The following GALNT13 variants were observed in gnomAD, a reference collection of about 807,000 sequenced individuals.
GALNT13 encodes the protein UDP-GalNAc:polypeptide N-acetylgalactosaminyltransferase 13.
Under a neutral mutation model 64.2 loss-of-function variants are expected in GALNT13, and 28 were observed. The ratio of observed to expected loss-of-function variants is 0.44; its 90% CI spans 0.32 to 0.60. GALNT13 has a LOEUF of 0.60. Among genes scored for constraint, GALNT13 ranks in the 20% least tolerant of loss-of-function variants. GALNT13 has a pLI of 0.05. For missense variants in GALNT13, 577 were observed against 669.8 expected (o/e 0.86, Z 1.53); for synonymous variants, 214 against 224.6 (o/e 0.95, Z 0.42).
chr2:153,546,746 T>C, the GALNT13 span, among the ~76,000 whole-genome samples: 1 of 152,240 alleles, frequency 6.6e-6, no homozygotes, highest in African/African-American at 2.4e-5. Context: ...AACCACAATG[T>C]AATTTTCAGC....
the GALNT13 span, among the ~76,000 whole-genome samples, chr2:153,827,196 A>G: frequency 1.3e-5 from 2 of 152,100 alleles, no homozygotes; most frequent in Non-Finnish European, 2.9e-5. Flanking sequence ...CCGCTTTTAA[A>G]ACCATTAGAT....
intron 4 of GALNT13, among the ~76,000 whole-genome samples, chr2:154,228,350 T>C (rs902638193): frequency 6.6e-6 from 1 of 152,162 alleles, no homozygotes; most frequent in African/African-American, 2.4e-5. Context: ...GGTCCTGAGC[T>C]CTAGTTCCCA....
intron 3 of GALNT13, among the ~76,000 whole-genome samples, chr2:154,134,536 T>G (rs1682837990): frequency 6.6e-6 from 1 of 152,194 alleles, no homozygotes; most frequent in African/African-American, 2.4e-5. Context: ...CTGTTTATAA[T>G]AGATGTGATT....
intron 11 of GALNT13, among the ~76,000 whole-genome samples, chr2:154,431,688 G>A (rs531498976): frequency 1.3e-5 from 2 of 152,312 alleles, no homozygotes; most frequent in South Asian, 4.1e-4. Flanking sequence ...ATCTTGAATT[G>A]TAGCTCCCAT....
the GALNT13 span, among the ~76,000 whole-genome samples, chr2:153,273,213 CATGTGTATACCT>C: frequency 6.6e-6 from 1 of 152,102 alleles, no homozygotes; most frequent in African/African-American, 2.4e-5. Context: ...ACCACCATGT[CATGTGTATACCT>C]ATGTAACAAA....
intron 9 of GALNT13, among the ~76,000 whole-genome samples, chr2:154,356,062 TA>T (rs1696730528): frequency 6.6e-6 from 1 of 152,042 alleles, no homozygotes. Flanking sequence ...AAGCCTCTAC[TA>T]AACACAATTT....
chr2:153,837,697 C>T, the GALNT13 span, among the ~76,000 whole-genome samples: 1 of 152,016 alleles, frequency 6.6e-6, no homozygotes, highest in Non-Finnish European at 1.5e-5. Context: ...GATTCTACAT[C>T]TTGGCTATTG....
the GALNT13 span, among the ~76,000 whole-genome samples, chr2:153,390,316 T>TG: frequency 6.6e-6 from 1 of 151,106 alleles, no homozygotes; most frequent in African/African-American, 2.4e-5. Flanking sequence ...TGTCGGGAGG[T>TG]GGGGGGCTAG....
chr2:153,942,170 GC>G (rs1355044653), intron 2 of GALNT13, among the ~76,000 whole-genome samples: 9 of 151,842 alleles, frequency 5.9e-5, no homozygotes, highest in African/African-American at 1.5e-4. Flanking sequence ...TCTTGATTAA[GC>G]CTCACAATAT....
At chr2:153,314,853 T>G in the GALNT13 span, among the ~76,000 whole-genome samples, 1 of 151,796 alleles carries the variant, frequency 6.6e-6, no homozygotes, top group Admixed American at 6.6e-5. Context: ...AACTTCCACC[T>G]TAAGAAACCT....
At chr2:153,889,218 A>G (rs1687383354) in intron 1 of GALNT13, among the ~76,000 whole-genome samples, 1 of 152,006 alleles carries the variant, frequency 6.6e-6, no homozygotes, top group Admixed American at 6.6e-5. Context: ...TTCATAATTC[A>G]GATTCATTCT....
intron 4 of GALNT13, among the ~76,000 whole-genome samples, chr2:154,190,680 T>C (rs1686526234): frequency 6.6e-6 from 1 of 152,186 alleles, no homozygotes. Context: ...TGCAGTTGTT[T>C]AGCATTGCAA....
chr2:153,467,875 G>T, the GALNT13 span, among the ~76,000 whole-genome samples: 1 of 152,016 alleles, frequency 6.6e-6, no homozygotes, highest in African/African-American at 2.4e-5. Context: ...ATATCATATG[G>T]TGATTTCATG....
the GALNT13 span, among the ~76,000 whole-genome samples, chr2:153,818,828 A>T: frequency 6.6e-6 from 1 of 152,088 alleles, no homozygotes; most frequent in Non-Finnish European, 1.5e-5. Context: ...AGCCCTTCTG[A>T]AAACTCAAGC....
chr2:153,464,442 A>G, the GALNT13 span, among the ~76,000 whole-genome samples: 7 of 151,166 alleles, frequency 4.6e-5, no homozygotes, highest in African/African-American at 1.5e-4. Flanking sequence ...ATTGCAAAGC[A>G]TATGCTACTT....
chr2:153,382,284 G>T, the GALNT13 span, among the ~76,000 whole-genome samples: 1 of 152,022 alleles, frequency 6.6e-6, no homozygotes, highest in Non-Finnish European at 1.5e-5. Context: ...AACCCAAGTA[G>T]TAAGCATAGC....
intron 9 of GALNT13, among the ~76,000 whole-genome samples, chr2:154,365,014 T>C (rs574555369): frequency 6.6e-6 from 1 of 152,324 alleles, no homozygotes; most frequent in East Asian, 1.9e-4. Context: ...CTTGTACTTT[T>C]TGCAAAAATA....
At chr2:153,259,699 C>T in the GALNT13 span, among the ~76,000 whole-genome samples, 1,884 of 152,252 alleles carry the variant, frequency 0.012, 18 homozygotes, top group Non-Finnish European at 0.016. Flanking sequence ...TCTTCCTTCA[C>T]CTTCTGCCAT....
intron 4 of GALNT13, among the ~76,000 whole-genome samples, chr2:154,200,604 A>C (rs1687121391): frequency 6.6e-6 from 1 of 152,184 alleles, no homozygotes; most frequent in Non-Finnish European, 1.5e-5. Context: ...TTGCTGCATT[A>C]TCTGGAAGAG....
Sources: allele counts gnomAD v4.1 joint callset (sites outside exome capture counted in the v4.1 genomes callset), GRCh38; gene constraint gnomAD v4.1.1; transcripts MANE v1.5; gene names NCBI Gene and HGNC (gene_info 2026-07-23, HGNC 2026-07-21).